The following RAPGEF6 variants were observed in gnomAD, a reference collection of about 807,000 sequenced individuals.
The protein encoded by RAPGEF6 is PDZ domain containing guanine nucleotide exchange factor (GEF) 2.
A neutral mutation model predicts 171.4 loss-of-function variants in RAPGEF6; 56 were observed. The ratio of observed to expected loss-of-function variants is 0.33; its 90% confidence interval spans 0.26 to 0.41. The LOEUF (loss-of-function observed/expected upper bound fraction) is 0.41, where lower values mean the gene tolerates loss of function less well. Ranked by LOEUF, RAPGEF6 falls within the 10% of genes least tolerant of loss-of-function variation. The pLI, the probability that RAPGEF6 is intolerant of heterozygous loss-of-function variation, is 1.00. For synonymous variants in RAPGEF6, 692 were observed against 650.1 expected (o/e 1.06, Z -0.98); for missense variants, 1,674 against 1,921.4 (o/e 0.87, Z 2.41).
intron 13 of RAPGEF6, among the ~76,000 whole-genome samples, chr5:131,494,535 C>T (rs1016100911): frequency 6.6e-6 from 1 of 151,986 alleles, no homozygotes; most frequent in Non-Finnish European, 1.5e-5. Flanking sequence ...GGTCTGGATG[C>T]AGAACTGGAA....
At chr5:131,580,318 T>A (rs948930589) in intron 4 of RAPGEF6, among the ~76,000 whole-genome samples, 1 of 152,070 alleles carries the variant, frequency 6.6e-6, no homozygotes, top group African/African-American at 2.4e-5. Context: ...CACCAGCCGG[T>A]CACTCCGAGT....
At chr5:131,594,026 G>C (rs1486846891) in intron 3 of RAPGEF6, among the ~76,000 whole-genome samples, 3 of 152,142 alleles carry the variant, frequency 2.0e-5, no homozygotes, top group African/African-American at 7.2e-5. Flanking sequence ...CAACACAATG[G>C]GGAAAATGTT....
At chr5:131,505,603 T>C (rs1757324647) in intron 9 of RAPGEF6, 81 bp from the exon 10 acceptor site, 2 of 1,245,698 alleles carry the variant, frequency 1.6e-6, no homozygotes, top group South Asian at 1.5e-5. Context: ...TCTATCAATA[T>C]ATATAACTTG....
chr5:131,580,030 C>T (rs752943200), intron 4 of RAPGEF6, among the ~76,000 whole-genome samples: 13 of 152,234 alleles, frequency 8.5e-5, no homozygotes, highest in Non-Finnish European at 1.6e-4. Context: ...CCAAGCTGCG[C>T]GCCTGCACTC....
At chr5:131,520,855 A>G (rs569922857) in intron 7 of RAPGEF6, among the ~76,000 whole-genome samples, 3 of 152,248 alleles carry the variant, frequency 2.0e-5, no homozygotes, top group South Asian at 2.1e-4. Flanking sequence ...CTTCTCCCCA[A>G]TATTACAATG....
chr5:131,540,655 A>C (rs1490413830), intron 6 of RAPGEF6, among the ~76,000 whole-genome samples: 1 of 152,222 alleles, frequency 6.6e-6, no homozygotes, highest in Non-Finnish European at 1.5e-5. Flanking sequence ...TGCAAACACC[A>C]ACAAAGTTTT....
chr5:131,566,456 T>G (rs539830394), intron 4 of RAPGEF6, among the ~76,000 whole-genome samples: 15 of 152,200 alleles, frequency 9.9e-5, no homozygotes, highest in Admixed American at 9.8e-4. Context: ...TAAAATACTT[T>G]AAATATAAAC....
intron 7 of RAPGEF6, among the ~76,000 whole-genome samples, chr5:131,517,961 T>C (rs1758209006): frequency 6.6e-6 from 1 of 152,104 alleles, no homozygotes; most frequent in African/African-American, 2.4e-5. Flanking sequence ...AATTTTTTTT[T>C]CAACTTTTAA....
Position 131,504,629 on chromosome 5 carries a change from G to A in RAPGEF6, c.1251C>T (p.Ile417=). The change falls in exon 11 of 28, where the codon ATC becomes ATT. Residue 417 remains isoleucine, a synonymous_variant. Transcript: ENST00000509018. ...AAAAATAAGTAAAAACACCCACCTT[G>A]ATCACAATGTGTCCTTTCCTGGTTC... ...RSGTRKGHIV[I]KATPERLIMH... 1 of 1,593,216 alleles carries A rather than the reference G, an allele frequency of 6.3e-7. No individual in the cohort carries two copies. Among genetic ancestry groups the A allele is most frequent in the South Asian group, 1.1e-5 (1 of 86,964 alleles).
At chr5:131,527,972 G>A (rs1035738869) in intron 6 of RAPGEF6, among the ~76,000 whole-genome samples, 4 of 147,976 alleles carry the variant, frequency 2.7e-5, no homozygotes, top group African/African-American at 5.0e-5. Context: ...CCGAAACTGC[G>A]CCACTGCACT....
chr5:131,518,383 T>TA lies in RAPGEF6; in HGVS notation c.627+3006dup. Among the ~76,000 whole-genome samples the TA allele has an allele frequency of 2.0e-5, 3 of 146,420 alleles. No homozygotes were observed. In the East Asian group the frequency reaches 5.9e-4, roughly 29 times the overall value. ...TGGCTATGGTCCTAAAGTTAACTGT[T>TA]ATGTCAGAGTTTGAAATTTTTTTTT... On this transcript the variant is annotated intron_variant, in intron 7 of 27. Coordinates refer to ENST00000509018, the MANE Select transcript of RAPGEF6 (RefSeq NM_016340.6).
intron 15 of RAPGEF6, among the ~76,000 whole-genome samples, chr5:131,484,254 G>C (rs1199782279): frequency 9.8e-6 from 1 of 102,540 alleles, no homozygotes. Context: ...TTGAGACAGA[G>C]TCTTGCTCTG....
chr5:131,601,068 A>G (rs868225192), intron 3 of RAPGEF6, among the ~76,000 whole-genome samples: 1 of 141,920 alleles, frequency 7.0e-6, no homozygotes, highest in African/African-American at 2.6e-5. Context: ...TGGGCAACGC[A>G]AGAAAACTCC....
rs140148351 is a variant in RAPGEF6 at position 131,455,227 on chromosome 5, C to A, written c.3076+574G>T. ...ATATCTTGTGTTAAAAGCACAGCAA[C>A]AACTGCATGAAAATCAGGAGATGAG... On this transcript the variant is annotated intron_variant, in intron 20 of 27. Transcript: ENST00000509018. Among the ~76,000 whole-genome samples, 562 of 152,302 alleles carry A rather than the reference C, an allele frequency of 3.7e-3. 4 individuals carry two copies. Among genetic ancestry groups the A allele is most frequent in the African/African-American group, 0.013 (532 of 41,580 alleles).
In RAPGEF6 at chr5:131,461,401, G is replaced by A. The variant is rs113174651; in HGVS notation, c.2864+304C>T. 5.2e-3 allele frequency among the ~76,000 whole-genome samples: 795 copies of A among 152,168 alleles called. 6 individuals are homozygous for A. The highest frequency in any genetic ancestry group is 0.018 in the African/African-American group (756 of 41,504). On this transcript the variant is annotated intron_variant, in intron 19 of 27. Coordinates refer to ENST00000509018, the MANE Select transcript of RAPGEF6 (RefSeq NM_016340.6). ...GTCTAATGATAAAGACCAGCCACTG[G>A]GCACATATCCAAAGATGATATAATC...
intron 20 of RAPGEF6, among the ~76,000 whole-genome samples, chr5:131,453,777 G>C (rs1008129603): frequency 2.0e-5 from 3 of 152,150 alleles, no homozygotes; most frequent in Non-Finnish European, 2.9e-5. Context: ...TAAACAGCAC[G>C]TATAGATTGG....
At chr5:131,507,031 T>C (rs7710364) in intron 9 of RAPGEF6, among the ~76,000 whole-genome samples, 96,696 of 150,582 alleles carry the variant, frequency 0.64, 32,673 homozygotes, top group Non-Finnish European at 0.77. Context: ...CTCAAAGATA[T>C]TCTATCAAAT....
chr5:131,528,338 TAC>T (rs372339216), intron 6 of RAPGEF6, among the ~76,000 whole-genome samples: 1,542 of 26,280 alleles, frequency 0.059, 170 homozygotes, highest in African/African-American at 0.086. Context: ...TATATATATA[TAC>T]ACACACACAC....
At chr5:131,594,498 G>A (rs1224950306) in intron 3 of RAPGEF6, among the ~76,000 whole-genome samples, 1 of 152,264 alleles carries the variant, frequency 6.6e-6, no homozygotes, top group African/African-American at 2.4e-5. Context: ...GAGGGAAAAT[G>A]TGGGGTTGGA....
Sources: allele counts gnomAD v4.1 joint callset (sites outside exome capture counted in the v4.1 genomes callset), GRCh38; gene constraint gnomAD v4.1.1; transcripts MANE v1.5; gene names NCBI Gene and HGNC (gene_info 2026-07-23, HGNC 2026-07-21).